The following MDGA2 variants were observed in gnomAD, a reference collection of about 807,000 sequenced individuals.
The protein encoded by MDGA2 is MAM domain containing glycosylphosphatidylinositol anchor 2, also known as MAM domain-containing glycosylphosphatidylinositol anchor protein 2.
MDGA2 carries 40 observed loss-of-function variants against 117.8 expected under a neutral mutation model. The observed-to-expected ratio is 0.34, with a 90% CI of 0.26 to 0.44. MDGA2 has a LOEUF of 0.44. Ranked by LOEUF, MDGA2 falls within the 20% of genes least tolerant of loss-of-function variation. MDGA2 has a pLI of 1.00. For synonymous variants in MDGA2, 452 were observed against 439.0 expected (o/e 1.03, Z -0.37); for missense variants, 1,123 against 1,250.6 (o/e 0.90, Z 1.54).
At chr14:47,656,786 AT>A (rs1231535909) in intron 1 of MDGA2, among the ~76,000 whole-genome samples, 2 of 152,120 alleles carry the variant, frequency 1.3e-5, no homozygotes, top group Non-Finnish European at 2.9e-5. Flanking sequence ...AATTTCTCCA[AT>A]TCTACAAGTC....
intron 10 of MDGA2, among the ~76,000 whole-genome samples, chr14:46,899,125 A>C (rs550509878): frequency 1.3e-5 from 2 of 151,998 alleles, no homozygotes; most frequent in African/African-American, 4.8e-5. Flanking sequence ...CCCACACCAC[A>C]TCATTTTTAT....
At chr14:46,953,332 C>G (rs1475952101) in intron 9 of MDGA2, among the ~76,000 whole-genome samples, 1 of 150,800 alleles carries the variant, frequency 6.6e-6, no homozygotes, top group East Asian at 1.9e-4. Context: ...AAAAACACCA[C>G]CCCTTTAGTA....
intron 14 of MDGA2, among the ~76,000 whole-genome samples, chr14:46,863,279 C>G (rs150659942): frequency 0.013 from 1,968 of 152,228 alleles, 37 homozygotes; most frequent in African/African-American, 0.045. Context: ...ACGCCATGGG[C>G]TTGTCCTACA....
At chr14:47,155,211 C>T (rs1215556162) in intron 3 of MDGA2, among the ~76,000 whole-genome samples, 1 of 152,126 alleles carries the variant, frequency 6.6e-6, no homozygotes, top group Non-Finnish European at 1.5e-5. Flanking sequence ...CTCCTCTTCG[C>T]CTTGCTCACG....
intron 1 of MDGA2, among the ~76,000 whole-genome samples, chr14:47,409,953 C>T (rs1180510007): frequency 1.3e-5 from 2 of 152,162 alleles, no homozygotes; most frequent in African/African-American, 4.8e-5. Context: ...ACTTTAAAGT[C>T]TGTGAAGTAT....
At chr14:47,333,543 C>T (rs1489055250) in intron 1 of MDGA2, among the ~76,000 whole-genome samples, 1 of 151,836 alleles carries the variant, frequency 6.6e-6, no homozygotes, top group Admixed American at 6.6e-5. Flanking sequence ...AATGATCAGA[C>T]AATTTTTATT....
In MDGA2 at chr14:46,965,052, C is replaced by T. The variant is rs890965401; in HGVS notation, c.1820-7409G>A. Among the ~76,000 whole-genome samples, 43 of 139,078 alleles carry T rather than the reference C, an allele frequency of 3.1e-4. 8 individuals carry two copies. Among genetic ancestry groups the T allele is most frequent in the African/African-American group, 1.1e-3 (35 of 33,286 alleles). 91.2% of individuals were successfully genotyped at this position (139,078 alleles called of 152,430 possible). A position where few individuals can be genotyped will look rare whatever the true frequency, so the allele number is the denominator to read the frequency against. On this transcript the variant is annotated intron_variant, in intron 8 of 16. Coordinates refer to ENST00000399232, the MANE Select transcript of MDGA2 (RefSeq NM_001113498.3). ...CATTCTCCTGCCTCAGCCTCCCGAG[C>T]AGCTGGGACTACAGGCGCCCGCCAC...
chr14:47,289,819 A>C (rs529665510), intron 2 of MDGA2, among the ~76,000 whole-genome samples: 3 of 152,218 alleles, frequency 2.0e-5, no homozygotes, highest in Non-Finnish European at 4.4e-5. Flanking sequence ...TTTCATTAAA[A>C]TACATAGATT....
chr14:47,179,837 T>C (rs1251495765), intron 3 of MDGA2, among the ~76,000 whole-genome samples: 1 of 152,160 alleles, frequency 6.6e-6, no homozygotes, highest in African/African-American at 2.4e-5. Context: ...TTCTATTTTT[T>C]ATTCTATCTT....
chr14:46,954,988 TG>T (rs1885507601), intron 9 of MDGA2, among the ~76,000 whole-genome samples: 1 of 152,066 alleles, frequency 6.6e-6, no homozygotes, highest in Non-Finnish European at 1.5e-5. Flanking sequence ...GATCAAGAAA[TG>T]TGATGGGACA....
intron 1 of MDGA2, among the ~76,000 whole-genome samples, chr14:47,360,354 A>AAATAAATAAAT (rs1555376180): frequency 2.1e-5 from 3 of 139,972 alleles, no homozygotes; most frequent in Admixed American, 1.5e-4. Flanking sequence ...TCCATCTCAA[A>AAATAAATAAAT]AAATAAATAA....
intron 1 of MDGA2, among the ~76,000 whole-genome samples, chr14:47,434,306 T>C (rs1457865683): frequency 6.6e-6 from 1 of 152,146 alleles, no homozygotes; most frequent in Admixed American, 6.6e-5. Context: ...AGTAATTTGT[T>C]ACTTATAGGT....
chr14:47,150,525 C>T (rs1883120850), intron 3 of MDGA2, among the ~76,000 whole-genome samples: 1 of 152,158 alleles, frequency 6.6e-6, no homozygotes. Flanking sequence ...CCTCTGAATT[C>T]CTCAGAAGCC....
chr14:47,067,990 C>T (rs956990291), intron 6 of MDGA2, among the ~76,000 whole-genome samples: 1 of 151,988 alleles, frequency 6.6e-6, no homozygotes, highest in Non-Finnish European at 1.5e-5. Context: ...ATTAATAATG[C>T]AAGAACAAAA....
rs1048779516 is a variant in MDGA2 at position 46,960,170 on chromosome 14, G to A, written c.1820-2527C>T. On this transcript the variant is annotated intron_variant, in intron 8 of 16. Transcript: ENST00000399232. ...CAGGAGGCAGAGGTTGTGGTGAGCC[G>A]AGATTGCACCGCTGCACTCCAGCCT... 9.2e-5 allele frequency among the ~76,000 whole-genome samples: 14 copies of A among 152,132 alleles called. No homozygotes were observed. In the South Asian group the frequency reaches 1.7e-3, roughly 18 times the overall value.
rs55827732 is a variant in MDGA2 at position 47,155,888 on chromosome 14, C to CTTTTTTTTTTTTTTTTTTTTTTT, written c.596-11637_596-11615dup. 1.1e-3 allele frequency among the ~76,000 whole-genome samples: 46 copies of CTTTTTTTTTTTTTTTTTTTTTTT among 40,176 alleles called. 9 individuals carry two copies. The highest frequency in any genetic ancestry group is 2.0e-3 in the East Asian group (3 of 1,538). 26.4% of individuals were successfully genotyped at this position (40,176 alleles called of 152,430 possible). A position where few individuals can be genotyped will look rare whatever the true frequency, so the allele number is the denominator to read the frequency against. On this transcript the variant is annotated intron_variant, in intron 3 of 16. Transcript: ENST00000399232. The stretch of plus-strand genomic sequence containing the variant: ...ATTCTTTTCTTTTCTTCTTCTTCTT[C>CTTTTTTTTTTTTTTTTTTTTTTT]TTTTTTTTTTTTTTTTTTTTTTTTT...
chr14:47,497,893 T>C (rs1894315922), intron 1 of MDGA2, among the ~76,000 whole-genome samples: 1 of 152,128 alleles, frequency 6.6e-6, no homozygotes, highest in South Asian at 2.1e-4. Context: ...GTCTACAAAT[T>C]TGGGAGGCAA....
intron 3 of MDGA2, among the ~76,000 whole-genome samples, chr14:47,175,609 C>G (rs1259837343): frequency 1.3e-5 from 2 of 152,004 alleles, no homozygotes; most frequent in African/African-American, 2.4e-5. Flanking sequence ...ACCCTTCATG[C>G]TAAAAACTCT....
In MDGA2 at chr14:46,976,904, T is replaced by C. The variant is rs1222336679; in HGVS notation, c.1820-19261A>G. 2.0e-5 allele frequency among the ~76,000 whole-genome samples: 3 copies of C among 152,118 alleles called. No individual in the cohort carries two copies. The East Asian group carries it at 5.8e-4, about 29-fold the overall frequency. ...AACTAATGAGTAGATAATTGCAGATTAATTGTAATTTTAACAAGTTCATGC... is the reference window on the plus strand; with the variant it reads ...AACTAATGAGTAGATAATTGCAGATCAATTGTAATTTTAACAAGTTCATGC... On this transcript the variant is annotated intron_variant, in intron 8 of 16. Coordinates refer to ENST00000399232, the MANE Select transcript of MDGA2 (RefSeq NM_001113498.3).
Sources: gnomAD v4.1 joint callset for allele counts (sites outside exome capture counted in the v4.1 genomes callset) on GRCh38, gnomAD v4.1.1 for gene constraint, MANE v1.5 for transcripts, NCBI Gene and HGNC (gene_info 2026-07-23, HGNC 2026-07-21) for gene names.